SNX31: variants seen among roughly 807,000 people sequenced by gnomAD.
SNX31 encodes the protein sorting nexin 31, also known as sorting nexin-31.
Under a neutral mutation model 65.4 loss-of-function variants are expected in SNX31, and 58 were observed. That is an observed-to-expected ratio of 0.89 (90% CI 0.72 to 1.10). SNX31 has a LOEUF of 1.10. SNX31 is among the 50% of genes least tolerant of loss of function. The probability of loss-of-function intolerance (pLI) is 0.00; values close to 1 mark genes in which losing one functional copy is unlikely to be tolerated. For synonymous variants in SNX31, 181 were observed against 190.1 expected (o/e 0.95, Z 0.39); for missense variants, 523 against 529.7 (o/e 0.99, Z 0.12).
At chr8:100,637,573 G>T (rs940551449) in intron 2 of SNX31, among the ~76,000 whole-genome samples, 6 of 152,106 alleles carry the variant, frequency 3.9e-5, no homozygotes. Context: ...CATCACCCTG[G>T]TCCAAGTCAC....
chr8:100,647,502 G>C (rs1819717457), intron 2 of SNX31, among the ~76,000 whole-genome samples: 1 of 152,122 alleles, frequency 6.6e-6, no homozygotes. Flanking sequence ...CAAGTCTATT[G>C]GGTAAGGAGG....
At chr8:100,656,429 C>T (rs1454626545) in intron 1 of SNX31, among the ~76,000 whole-genome samples, 1 of 151,942 alleles carries the variant, frequency 6.6e-6, no homozygotes, top group South Asian at 2.1e-4. Flanking sequence ...CACCTGAGGT[C>T]AGGAGTTCAA....
Position 100,612,052 on chromosome 8 carries a change from C to T in SNX31, c.559G>A (p.Val187Ile), listed in dbSNP as rs895210522. ...KKLADFELPY[V>I]SLGSSEVENC... Reference sequence around the variant, plus strand: ...TCCACCTCAGAACTTCCAAGACTAACATAAGGGAGTTCAAAGTCAGCCAAT... The same window carrying T: ...TCCACCTCAGAACTTCCAAGACTAATATAAGGGAGTTCAAAGTCAGCCAAT... The change falls in exon 7 of 14, where the codon GTT becomes ATT. Residue 187 changes from valine (V) to isoleucine (I), a missense_variant. Transcript: ENST00000311812. This position sits in a 1 kb window ranked among gnomAD's most constrained non-coding sequence, Gnocchi z 4.3. 6.2e-7 allele frequency: 1 copy of T among 1,613,972 alleles called. No homozygotes were observed. Among genetic ancestry groups the T allele is most frequent in the African/African-American group, 1.3e-5 (1 of 74,912 alleles).
chr8:100,576,549 T>C lies in SNX31; in HGVS notation c.1227+470A>G, dbSNP rs1488609815. Among the ~76,000 whole-genome samples the C allele has an allele frequency of 2.0e-5, 3 of 152,238 alleles. No homozygotes were observed. The highest frequency in any genetic ancestry group is 7.2e-5 in the African/African-American group (3 of 41,472). ...ATTCACATAAAAGTGCTTAGAATACTGCCTGGCAATAATGAGTGCTCAAAA... is the reference window on the plus strand; with the variant it reads ...ATTCACATAAAAGTGCTTAGAATACCGCCTGGCAATAATGAGTGCTCAAAA... On this transcript the variant is annotated intron_variant, in intron 13 of 13. Coordinates refer to ENST00000311812, the MANE Select transcript of SNX31 (RefSeq NM_152628.4). This position sits in a 1 kb window ranked among gnomAD's most constrained non-coding sequence, Gnocchi z 4.8.
chr8:100,607,099 G>A (rs1442188114), intron 8 of SNX31, among the ~76,000 whole-genome samples: 1 of 152,188 alleles, frequency 6.6e-6, no homozygotes, highest in Non-Finnish European at 1.5e-5. Context: ...AAAAGAACAA[G>A]GACATTGGGA....
In SNX31 at chr8:100,625,938, A is replaced by G. The variant is rs1386778212; in HGVS notation, c.321+4389T>C. On this transcript the variant is annotated intron_variant, in intron 4 of 13. Transcript: ENST00000311812. This position sits in a 1 kb window ranked among gnomAD's most constrained non-coding sequence, Gnocchi z 4.2. ...ATTAAGATTTTGCTTTTTAAAACCT[A>G]TATCTTGGCCAGGCATGGTAGCTCA... Among the ~76,000 whole-genome samples the G allele has an allele frequency of 6.6e-6, 1 of 152,144 alleles. No individual in the cohort carries two copies. The highest frequency in any genetic ancestry group is 1.5e-5 in the Non-Finnish European group (1 of 68,018).
At chr8:100,584,283 C>T (rs577599036) in intron 11 of SNX31, 95 bp from the exon 12 acceptor site, 3 of 870,598 alleles carry the variant, frequency 3.4e-6, no homozygotes, top group South Asian at 1.9e-5. Context: ...TGACTCTGCC[C>T]TCCAATAACA....
chr8:100,633,444 C>T (rs1272952357), intron 3 of SNX31, among the ~76,000 whole-genome samples: 1 of 152,078 alleles, frequency 6.6e-6, no homozygotes, highest in Non-Finnish European at 1.5e-5. Context: ...ACTCTCACTG[C>T]CCAGGCTGGA....
rs1388361876 is a variant in SNX31, at chr8:100,622,359, G to A, written c.322-4629C>T. On this transcript the variant is annotated intron_variant, in intron 4 of 13. Coordinates refer to ENST00000311812, the MANE Select transcript of SNX31 (RefSeq NM_152628.4). This position sits in a 1 kb window ranked among gnomAD's most constrained non-coding sequence, Gnocchi z 5.0. The stretch of plus-strand genomic sequence containing the variant: ...GAACTAGCATAGTAGCGTCCGCAAT[G>A]GGGCATTTTCCAGGTGTGGTGGCTC... Among the ~76,000 whole-genome samples, 1 of 152,132 alleles carries A rather than the reference G, an allele frequency of 6.6e-6. No individual in the cohort carries two copies. The highest frequency in any genetic ancestry group is 1.5e-5 in the Non-Finnish European group (1 of 68,020).
upstream of SNX31, chr8:100,649,761 G>A (rs931589710): frequency 4.6e-6 from 2 of 431,950 alleles, no homozygotes; most frequent in South Asian, 5.5e-5. Flanking sequence ...CTGGGGCTGG[G>A]GCGCATCCAC....
chr8:100,613,992 G>A lies in SNX31; in HGVS notation c.433-907C>T, dbSNP rs1816951016. On this transcript the variant is annotated intron_variant, in intron 5 of 13. Transcript: ENST00000311812. This position sits in a 1 kb window ranked among gnomAD's most constrained non-coding sequence, Gnocchi z 5.2. ...ACCCACGACTCCCAGTTCTCTAGGTGGCAGTTGTACAAATACCAGGCTCAC... is the reference window on the plus strand; with the variant it reads ...ACCCACGACTCCCAGTTCTCTAGGTAGCAGTTGTACAAATACCAGGCTCAC... Among the ~76,000 whole-genome samples the A allele has an allele frequency of 6.6e-6, 1 of 152,182 alleles. No homozygotes were observed. The highest frequency in any genetic ancestry group is 1.5e-5 in the Non-Finnish European group (1 of 68,040).
chr8:100,623,367 C>G (rs1423160239), intron 4 of SNX31, among the ~76,000 whole-genome samples: 2 of 152,186 alleles, frequency 1.3e-5, no homozygotes, highest in Admixed American at 1.3e-4. Context: ...GGCTCCACCT[C>G]CAACACTGGG....
At chr8:100,584,074 C>T (rs759197345) in intron 12 of SNX31, 37 bp downstream of exon 12, 21 of 1,582,286 alleles carry the variant, frequency 1.3e-5, no homozygotes, top group South Asian at 9.1e-5. Flanking sequence ...ATAGTGGGAA[C>T]GTAAAGTGAA....
intron 5 of SNX31, 33 bp downstream of exon 5, chr8:100,617,587 C>G: frequency 7.1e-7 from 1 of 1,415,480 alleles, no homozygotes; most frequent in Non-Finnish European, 9.9e-7. Flanking sequence ...TCCCTAGATT[C>G]AGTTCTGGAG....
In SNX31 at chr8:100,594,332, AAACAAC is replaced by A. The variant is rs374339502; in HGVS notation, c.978+2301_978+2306del. Among the ~76,000 whole-genome samples the A allele has an allele frequency of 2.0e-5, 3 of 152,010 alleles. No homozygotes were observed. Among genetic ancestry groups the A allele is most frequent in the African/African-American group, 4.8e-5 (2 of 41,400 alleles). ...ACAAAACCAAAACAAGGAAACAGAC[AAACAAC>A]AACAACAACAACAAAACCGAAACTA... On this transcript the variant is annotated intron_variant, in intron 10 of 13. Coordinates refer to ENST00000311812, the MANE Select transcript of SNX31 (RefSeq NM_152628.4). The surrounding 1 kb of genome is among the most constrained non-coding windows in gnomAD (Gnocchi z 4.0).
rs1406796463 is a variant in SNX31 at position 100,635,880 on chromosome 8, AC to A, written c.256+16del. The stretch of plus-strand genomic sequence containing the variant: ...TTGCAATAAATCTGTTTTTTAAAAA[AC>A]CCTGCAAATACATACCATTTTGCAA... On this transcript the variant is annotated intron_variant, in intron 3 of 13. Transcript: ENST00000311812. 4 of 1,572,024 alleles carry A rather than the reference AC, an allele frequency of 2.5e-6. No homozygotes were observed. Among genetic ancestry groups the A allele is most frequent in the African/African-American group, 1.4e-5 (1 of 73,978 alleles).
At chr8:100,611,234 C>T (rs752468978) in intron 7 of SNX31, among the ~76,000 whole-genome samples, 22 of 152,004 alleles carry the variant, frequency 1.4e-4, no homozygotes, top group Non-Finnish European at 2.1e-4. Context: ...CACACTTCTA[C>T]GGATAAATCA....
chr8:100,643,973 T>C (rs1819451696), intron 2 of SNX31, among the ~76,000 whole-genome samples: 2 of 152,082 alleles, frequency 1.3e-5, no homozygotes, highest in South Asian at 2.1e-4. Flanking sequence ...CTGGAGGAGA[T>C]GGGACTGAGG....
intron 2 of SNX31, 86 bp from the exon 3 acceptor site, chr8:100,636,097 C>A (rs1818756183): frequency 1.2e-6 from 1 of 858,368 alleles, no homozygotes; most frequent in Non-Finnish European, 1.9e-6. Context: ...TAGGGCAAGT[C>A]CCATCCCAGC....
Sources: gnomAD v4.1 joint callset for allele counts (sites outside exome capture counted in the v4.1 genomes callset) on GRCh38, gnomAD v4.1.1 for gene constraint, Gnocchi (gnomAD v3.1) non-coding constraint, MANE v1.5 for transcripts, NCBI Gene and HGNC (gene_info 2026-07-23, HGNC 2026-07-21) for gene names.